Variants in SUCLG2 observed in about 807,000 individuals in gnomAD.
SUCLG2 encodes the protein succinate--CoA ligase [GDP-forming] subunit beta, mitochondrial.
SUCLG2 carries 42 observed loss-of-function variants against 47.9 expected under a neutral mutation model. That is an observed-to-expected ratio of 0.88 (90% CI 0.69 to 1.14). The LOEUF (loss-of-function observed/expected upper bound fraction) is 1.14, where lower values mean the gene tolerates loss of function less well. Among genes scored for constraint, SUCLG2 ranks in the 50% most tolerant of loss-of-function variants. The pLI is 0.00. For missense variants in SUCLG2, 571 were observed against 525.9 expected (o/e 1.09, Z -0.84); for synonymous variants, 195 against 197.3 (o/e 0.99, Z 0.10).
At chr3:67,514,069 A>G in intron 6 of SUCLG2, 1 of 343,598 alleles carries the variant, frequency 2.9e-6, no homozygotes. Context: ...AGCACAGCTG[A>G]AACAGCAGTA....
chr3:67,477,967 A>G (rs765374769), intron 9 of SUCLG2, among the ~76,000 whole-genome samples: 1 of 152,192 alleles, frequency 6.6e-6, no homozygotes, highest in Non-Finnish European at 1.5e-5. Context: ...AAATATTAAC[A>G]CATCTATTAA....
chr3:67,442,051 C>T (rs1464325462), intron 9 of SUCLG2, among the ~76,000 whole-genome samples: 1 of 148,292 alleles, frequency 6.7e-6, no homozygotes, highest in East Asian at 2.0e-4. Flanking sequence ...CGCTCTGTCG[C>T]CCAGGCTGGA....
intron 9 of SUCLG2, among the ~76,000 whole-genome samples, chr3:67,431,415 A>T (rs13083912): frequency 0.034 from 5,251 of 152,226 alleles, 122 homozygotes; most frequent in African/African-American, 0.059. Context: ...CCTTCATGCT[A>T]AAAACTCTCA....
chr3:67,523,270 CA>C (rs1424605057), intron 4 of SUCLG2, among the ~76,000 whole-genome samples: 1 of 152,106 alleles, frequency 6.6e-6, no homozygotes, highest in Non-Finnish European at 1.5e-5. Flanking sequence ...TCCTCTTTTT[CA>C]AACTTTTGTT....
intron 9 of SUCLG2, among the ~76,000 whole-genome samples, chr3:67,472,646 T>G (rs1056851178): frequency 2.0e-5 from 3 of 152,184 alleles, no homozygotes; most frequent in Admixed American, 1.3e-4. Context: ...TTTAGCAAAA[T>G]GCATTGTTCA....
At chr3:67,493,296 A>G (rs985713117) in intron 9 of SUCLG2, among the ~76,000 whole-genome samples, 1 of 152,240 alleles carries the variant, frequency 6.6e-6, no homozygotes, top group Non-Finnish European at 1.5e-5. Flanking sequence ...TGAAATTTCA[A>G]GATTTGGAAA....
chr3:67,644,613 T>C (rs934296820), intron 1 of SUCLG2, among the ~76,000 whole-genome samples: 1 of 152,014 alleles, frequency 6.6e-6, no homozygotes, highest in Non-Finnish European at 1.5e-5. Context: ...ATGGTTAAAA[T>C]GGCAAAATGA....
intron 9 of SUCLG2, among the ~76,000 whole-genome samples, chr3:67,492,728 A>T (rs1042605351): frequency 2.0e-5 from 3 of 152,194 alleles, no homozygotes; most frequent in Non-Finnish European, 4.4e-5. Context: ...CTCTTGTTTT[A>T]TTCAGCTTGG....
chr3:67,363,641 C>A (rs2017621), intron 10 of SUCLG2, among the ~76,000 whole-genome samples: 115,176 of 152,086 alleles, frequency 0.76, 43,992 homozygotes, highest in South Asian at 0.82. Context: ...TAGTAAAGTT[C>A]TGAGAGATTT....
At chr3:67,596,601 T>G (rs1268989673) in intron 2 of SUCLG2, among the ~76,000 whole-genome samples, 1 of 152,176 alleles carries the variant, frequency 6.6e-6, no homozygotes, top group East Asian at 1.9e-4. Flanking sequence ...AGTTTACACA[T>G]CTGTCTCTCT....
chr3:67,554,286 G>A (rs1298572990), intron 2 of SUCLG2, among the ~76,000 whole-genome samples: 1 of 152,168 alleles, frequency 6.6e-6, no homozygotes, highest in African/African-American at 2.4e-5. Flanking sequence ...TAAGGCTAAA[G>A]CTATTACATT....
intron 2 of SUCLG2, among the ~76,000 whole-genome samples, chr3:67,536,112 G>A (rs191878562): frequency 6.6e-6 from 1 of 152,288 alleles, no homozygotes; most frequent in Non-Finnish European, 1.5e-5. Flanking sequence ...CAGTGATGAG[G>A]AAGGGAAGAA....
intron 1 of SUCLG2, among the ~76,000 whole-genome samples, chr3:67,614,288 A>G (rs1237159934): frequency 6.6e-6 from 1 of 152,014 alleles, no homozygotes; most frequent in African/African-American, 2.4e-5. Context: ...GAGACTGAAC[A>G]GTAGGGGGAA....
At chr3:67,614,941 G>A (rs1700597587) in intron 1 of SUCLG2, among the ~76,000 whole-genome samples, 1 of 152,152 alleles carries the variant, frequency 6.6e-6, no homozygotes, top group East Asian at 1.9e-4. Context: ...TCTTAAACTA[G>A]CTGGGGTAGG....
intron 10 of SUCLG2, among the ~76,000 whole-genome samples, chr3:67,394,340 G>C (rs1361197866): frequency 6.6e-6 from 1 of 151,440 alleles, no homozygotes; most frequent in Non-Finnish European, 1.5e-5. Context: ...AGCTGATGGA[G>C]CTGAAAGCCA....
intron 9 of SUCLG2, among the ~76,000 whole-genome samples, chr3:67,485,950 A>C (rs1705038218): frequency 6.6e-6 from 1 of 152,224 alleles, no homozygotes; most frequent in Non-Finnish European, 1.5e-5. Context: ...CTTTACATTT[A>C]GACTGGGGGT....
intron 10 of SUCLG2, among the ~76,000 whole-genome samples, chr3:67,361,987 G>C (rs1470109645): frequency 6.6e-6 from 1 of 152,142 alleles, no homozygotes; most frequent in African/African-American, 2.4e-5. Flanking sequence ...TCAACCATCA[G>C]CCAGCTGGTT....
At chr3:67,556,839 G>C (rs1707175400) in intron 2 of SUCLG2, among the ~76,000 whole-genome samples, 2 of 152,194 alleles carry the variant, frequency 1.3e-5, no homozygotes, top group South Asian at 2.1e-4. Flanking sequence ...CTGCATTTAA[G>C]AGCTGTTGGA....
intron 1 of SUCLG2, among the ~76,000 whole-genome samples, chr3:67,644,458 G>A (rs891070324): frequency 6.6e-6 from 1 of 152,140 alleles, no homozygotes; most frequent in Non-Finnish European, 1.5e-5. Context: ...AAGTAGAACA[G>A]TGGTTGGCAG....
Sources: allele counts gnomAD v4.1 joint callset (sites outside exome capture counted in the v4.1 genomes callset), GRCh38; gene constraint gnomAD v4.1.1; transcripts MANE v1.5; gene names NCBI Gene and HGNC (gene_info 2026-07-23, HGNC 2026-07-21).